The following NEBL variants were observed in gnomAD, a reference collection of about 807,000 sequenced individuals.
The protein encoded by NEBL is nebulette, also known as LIM and SH3 protein 2.
A neutral mutation model predicts 140.2 loss-of-function variants in NEBL; 122 were observed. The observed-to-expected ratio is 0.87, with a 90% CI of 0.75 to 1.01. NEBL has a LOEUF of 1.01. Ranked by LOEUF, NEBL falls within the 50% of genes least tolerant of loss-of-function variation. The pLI is 0.00. For synonymous variants in NEBL, 436 were observed against 398.9 expected, an observed-to-expected ratio of 1.09 and a Z score of -1.11; for missense variants, 1,365 against 1,231.3, an observed-to-expected ratio of 1.11 and a Z score of -1.62.
intron 12 of NEBL, among the ~76,000 whole-genome samples, chr10:20,841,170 G>A (rs906769693): frequency 3.3e-5 from 5 of 152,006 alleles, no homozygotes; most frequent in Non-Finnish European, 7.4e-5. Context: ...CTTATTAATT[G>A]TTAAAACTAT....
intron 3 of NEBL, among the ~76,000 whole-genome samples, chr10:21,242,124 C>T (rs1303958388): frequency 6.6e-6 from 1 of 152,072 alleles, no homozygotes; most frequent in African/African-American, 2.4e-5. Context: ...ATCACTTGAG[C>T]CTGGGAGGCA....
chr10:21,189,552 C>T (rs1311135668), intron 3 of NEBL, among the ~76,000 whole-genome samples: 2 of 152,154 alleles, frequency 1.3e-5, no homozygotes, highest in African/African-American at 2.4e-5. Flanking sequence ...GCAAACTCTG[C>T]CTCCCGGGTT....
intron 26 of NEBL, among the ~76,000 whole-genome samples, chr10:20,805,427 A>T (rs1812209600): frequency 6.6e-6 from 1 of 152,130 alleles, no homozygotes; most frequent in Non-Finnish European, 1.5e-5. Context: ...TATACAACTT[A>T]TTGGTACATC....
chr10:21,083,656 G>A (rs191043136), intron 2 of NEBL, among the ~76,000 whole-genome samples: 1 of 152,064 alleles, frequency 6.6e-6, no homozygotes, highest in Non-Finnish European at 1.5e-5. Context: ...AACAGCCTGG[G>A]CAACATGGCA....
At chr10:20,911,547 C>A (rs1452743116) in intron 4 of NEBL, among the ~76,000 whole-genome samples, 1 of 152,176 alleles carries the variant, frequency 6.6e-6, no homozygotes, top group Non-Finnish European at 1.5e-5. Flanking sequence ...ATATTTTTAA[C>A]TGTTATAAAA....
intron 1 of NEBL, among the ~76,000 whole-genome samples, chr10:21,270,107 A>G (rs1228136389): frequency 6.6e-6 from 1 of 152,212 alleles, no homozygotes; most frequent in African/African-American, 2.4e-5. Context: ...GTATCCCCAA[A>G]GCAAAACTCT....
At chr10:21,076,739 A>G (rs1836114035) in intron 2 of NEBL, among the ~76,000 whole-genome samples, 1 of 152,226 alleles carries the variant, frequency 6.6e-6, no homozygotes, top group Non-Finnish European at 1.5e-5. Flanking sequence ...AGGACATTAT[A>G]ATTGAAATCA....
At chr10:21,190,796 C>T (rs775715707) in intron 3 of NEBL, among the ~76,000 whole-genome samples, 2 of 152,120 alleles carry the variant, frequency 1.3e-5, no homozygotes, top group African/African-American at 4.8e-5. Flanking sequence ...TAGAATAAAA[C>T]AAAATGCTAA....
At chr10:20,953,528 T>TTTTTTG (rs374708982) in intron 4 of NEBL, among the ~76,000 whole-genome samples, 1 of 96,626 alleles carries the variant, frequency 1.0e-5, no homozygotes, top group African/African-American at 4.0e-5. Context: ...TTTTTTTTTT[T>TTTTTTG]GTAGGCTCTT....
chr10:21,254,181 A>G (rs1157886933), intron 1 of NEBL, among the ~76,000 whole-genome samples: 2 of 152,190 alleles, frequency 1.3e-5, no homozygotes, highest in African/African-American at 4.8e-5. Flanking sequence ...TCTGTTGCCC[A>G]AGCTGGAGTT....
intron 2 of NEBL, among the ~76,000 whole-genome samples, chr10:21,138,030 G>A (rs576068752): frequency 4.1e-4 from 62 of 151,894 alleles, no homozygotes; most frequent in African/African-American, 1.3e-3. Context: ...GCGAATGGTG[G>A]GTATCGAGAT....
intron 3 of NEBL, among the ~76,000 whole-genome samples, chr10:21,239,268 C>T (rs967833468): frequency 4.6e-5 from 7 of 151,810 alleles, no homozygotes; most frequent in Non-Finnish European, 1.0e-4. Flanking sequence ...TAAACAAACA[C>T]GTGAAAATGA....
At chr10:20,878,276 G>A (rs1414771412) in intron 5 of NEBL, among the ~76,000 whole-genome samples, 1 of 152,148 alleles carries the variant, frequency 6.6e-6, no homozygotes, top group Non-Finnish European at 1.5e-5. Flanking sequence ...AATCTGACTT[G>A]ATTTTGGTGG....
intron 2 of NEBL, 76 bp downstream of exon 2, chr10:20,896,882 C>A: frequency 8.1e-7 from 1 of 1,231,652 alleles, no homozygotes; most frequent in Non-Finnish European, 1.2e-6. Flanking sequence ...GTTTCCCCCA[C>A]AGCTCTATGA....
chr10:21,196,489 C>T (rs571650945), intron 3 of NEBL, among the ~76,000 whole-genome samples: 7 of 151,862 alleles, frequency 4.6e-5, no homozygotes, highest in African/African-American at 1.4e-4. Context: ...GGATTACAGG[C>T]GCCCATCACT....
At chr10:21,017,374 C>G (rs978295147) in intron 3 of NEBL, among the ~76,000 whole-genome samples, 2 of 152,050 alleles carry the variant, frequency 1.3e-5, no homozygotes, top group Non-Finnish European at 2.9e-5. Context: ...CTTGATGGAG[C>G]CCAATTGCTT....
intron 3 of NEBL, among the ~76,000 whole-genome samples, chr10:21,213,725 C>A (rs563199748): frequency 6.6e-6 from 1 of 152,008 alleles, no homozygotes; most frequent in Admixed American, 6.6e-5. Context: ...TCTATAGCAG[C>A]CTTTAGCTAT....
chr10:21,263,894 G>T (rs1263913852), intron 1 of NEBL, among the ~76,000 whole-genome samples: 2 of 152,194 alleles, frequency 1.3e-5, no homozygotes, highest in Non-Finnish European at 2.9e-5. Context: ...GAACCTGGGA[G>T]GCAGAGGTTG....
intron 3 of NEBL, among the ~76,000 whole-genome samples, chr10:21,184,771 T>C (rs1446317681): frequency 6.6e-6 from 1 of 152,228 alleles, no homozygotes; most frequent in Non-Finnish European, 1.5e-5. Flanking sequence ...TTTCTGATAC[T>C]TTGTTAAGCG....
Sources: allele counts gnomAD v4.1 joint callset (sites outside exome capture counted in the v4.1 genomes callset), GRCh38; gene constraint gnomAD v4.1.1; transcripts MANE v1.5; gene names NCBI Gene and HGNC (gene_info 2026-07-23, HGNC 2026-07-21).